Variants in NLGN1 observed in about 807,000 individuals in gnomAD.
The protein encoded by NLGN1 is neuroligin 1.
A neutral mutation model predicts 65.5 loss-of-function variants in NLGN1; 12 were observed. The ratio of observed to expected loss-of-function variants is 0.18; its 90% CI spans 0.12 to 0.30. The LOEUF (loss-of-function observed/expected upper bound fraction) is 0.30, where lower values mean the gene tolerates loss of function less well. NLGN1 is among the 10% of genes least tolerant of loss of function. The probability of loss-of-function intolerance (pLI) is 1.00; values close to 1 mark genes in which losing one functional copy is unlikely to be tolerated. For synonymous variants in NLGN1, 350 were observed against 359.5 expected, an observed-to-expected ratio of 0.97 and a Z score of 0.30; for missense variants, 750 against 1,007.1, an observed-to-expected ratio of 0.74 and a Z score of 3.46.
At chr3:174,214,871 A>G (rs1737315817) in intron 4 of NLGN1, among the ~76,000 whole-genome samples, 1 of 152,132 alleles carries the variant, frequency 6.6e-6, no homozygotes, top group African/African-American at 2.4e-5. Flanking sequence ...ACAGTCCACC[A>G]AAAACTTAAA....
chr3:173,718,335 C>T (rs1336251613), intron 3 of NLGN1, among the ~76,000 whole-genome samples: 1 of 152,146 alleles, frequency 6.6e-6, no homozygotes, highest in Non-Finnish European at 1.5e-5. Flanking sequence ...CATCATTCTA[C>T]TCCCTACCTC....
chr3:173,557,847 T>C (rs1741967612), intron 2 of NLGN1, among the ~76,000 whole-genome samples: 1 of 152,148 alleles, frequency 6.6e-6, no homozygotes, highest in Non-Finnish European at 1.5e-5. Flanking sequence ...ATAGTTACCA[T>C]ATTTTCTGTA....
intron 3 of NLGN1, among the ~76,000 whole-genome samples, chr3:173,689,752 T>A (rs1312082275): frequency 6.6e-6 from 1 of 152,100 alleles, no homozygotes; most frequent in Admixed American, 6.6e-5. Context: ...CCCATTCAAT[T>A]AGGTACCTTG....
chr3:174,201,258 A>G (rs376156827), intron 4 of NLGN1, among the ~76,000 whole-genome samples: 6 of 144,848 alleles, frequency 4.1e-5, no homozygotes, highest in African/African-American at 1.5e-4. Context: ...GAACAGGAAC[A>G]GGAACAGGAA....
At chr3:173,800,003 ATTTTT>A (rs11328249) in intron 3 of NLGN1, among the ~76,000 whole-genome samples, 3 of 92,578 alleles carry the variant, frequency 3.2e-5, no homozygotes, top group African/African-American at 7.4e-5. Flanking sequence ...TGCAATGGGT[ATTTTT>A]TTTTTTTTTT....
chr3:173,747,215 GTATATATATTTAAA>G (rs1369931158), intron 3 of NLGN1, among the ~76,000 whole-genome samples: 4 of 132,494 alleles, frequency 3.0e-5, no homozygotes, highest in Non-Finnish European at 6.2e-5. Flanking sequence ...ATATCTTTAA[GTATATATATTTAAA>G]TATATATATC....
chr3:174,210,248 G>A (rs1203262718), intron 4 of NLGN1, among the ~76,000 whole-genome samples: 4 of 152,034 alleles, frequency 2.6e-5, no homozygotes, highest in Non-Finnish European at 5.9e-5. Context: ...ATCACTATCT[G>A]AATTTACCAC....
chr3:174,289,920 T>A (rs1752542488), downstream of NLGN1, among the ~76,000 whole-genome samples: 2 of 138,810 alleles, frequency 1.4e-5, no homozygotes, highest in Admixed American at 7.6e-5. Flanking sequence ...TGTATGTATA[T>A]ATATGTGTAT....
chr3:173,434,186 G>A (rs1717688647), intron 1 of NLGN1, among the ~76,000 whole-genome samples: 1 of 152,110 alleles, frequency 6.6e-6, no homozygotes, highest in Non-Finnish European at 1.5e-5. Flanking sequence ...ATAATGTTTA[G>A]ACATATTCAA....
At chr3:173,764,623 A>G (rs1778482606) in intron 3 of NLGN1, among the ~76,000 whole-genome samples, 1 of 152,164 alleles carries the variant, frequency 6.6e-6, no homozygotes, top group South Asian at 2.1e-4. Flanking sequence ...TTTTAATGCC[A>G]AATTTCCATT....
chr3:174,216,712 A>T (rs954423074), intron 4 of NLGN1, among the ~76,000 whole-genome samples: 1 of 152,098 alleles, frequency 6.6e-6, no homozygotes, highest in South Asian at 2.1e-4. Flanking sequence ...CAAACAGGAT[A>T]GTTTAGATGT....
intron 3 of NLGN1, among the ~76,000 whole-genome samples, chr3:173,762,965 TACACACACACACAC>T (rs111427276): frequency 7.0e-6 from 1 of 143,252 alleles, no homozygotes; most frequent in Admixed American, 7.0e-5. Flanking sequence ...TTGTCTCTGA[TACACACACACACAC>T]ACACACACAC....
chr3:174,243,145 C>T (rs1295280472), intron 4 of NLGN1, among the ~76,000 whole-genome samples: 1 of 152,168 alleles, frequency 6.6e-6, no homozygotes, highest in Non-Finnish European at 1.5e-5. Context: ...TCTGAGCAGG[C>T]CCAAGCCACT....
intron 3 of NLGN1, among the ~76,000 whole-genome samples, chr3:173,702,331 A>G (rs1008523482): frequency 2.6e-5 from 4 of 152,124 alleles, no homozygotes; most frequent in Non-Finnish European, 4.4e-5. Flanking sequence ...GGGAAGAGTT[A>G]CTTCACGACA....
chr3:173,734,413 T>TTTTTTTTTTG (rs1491511719), intron 3 of NLGN1, among the ~76,000 whole-genome samples: 1 of 78,266 alleles, frequency 1.3e-5, no homozygotes. Flanking sequence ...TTTTTTTTTT[T>TTTTTTTTTTG]AGAAACAGGG....
chr3:174,061,781 A>G (rs997814874), intron 4 of NLGN1, among the ~76,000 whole-genome samples: 2 of 152,140 alleles, frequency 1.3e-5, no homozygotes, highest in Non-Finnish European at 2.9e-5. Context: ...TATAAAGTGC[A>G]GAAGCTCCAG....
intron 2 of NLGN1, among the ~76,000 whole-genome samples, chr3:173,564,986 C>G (rs962857978): frequency 2.8e-4 from 42 of 152,284 alleles, no homozygotes; most frequent in African/African-American, 1.0e-3. Flanking sequence ...GGAGCTTATA[C>G]TCTAGAAGTT....
chr3:174,223,618 A>C (rs1739070516), intron 4 of NLGN1, among the ~76,000 whole-genome samples: 1 of 152,174 alleles, frequency 6.6e-6, no homozygotes, highest in Admixed American at 6.5e-5. Flanking sequence ...CCTGACTTCT[A>C]AATGTGTATC....
intron 3 of NLGN1, among the ~76,000 whole-genome samples, chr3:173,753,586 T>A (rs1360135490): frequency 2.0e-5 from 3 of 152,196 alleles, no homozygotes; most frequent in East Asian, 1.9e-4. Flanking sequence ...CAACCCAAAC[T>A]TTTTTCTCTT....
Sources: allele counts gnomAD v4.1 joint callset (sites outside exome capture counted in the v4.1 genomes callset), GRCh38; gene constraint gnomAD v4.1.1; transcripts MANE v1.5; gene names NCBI Gene and HGNC (gene_info 2026-07-23, HGNC 2026-07-21).